The following MAPK8IP2 variants were observed in gnomAD, a reference collection of about 807,000 sequenced individuals.
MAPK8IP2 encodes the protein mitogen-activated protein kinase 8 interacting protein 2.
A neutral mutation model predicts 75.6 loss-of-function variants in MAPK8IP2; 15 were observed. That is an observed-to-expected ratio of 0.20 (90% CI 0.13 to 0.31). The LOEUF (loss-of-function observed/expected upper bound fraction) is 0.31, where lower values mean the gene tolerates loss of function less well. Ranked by LOEUF, MAPK8IP2 falls within the 10% of genes least tolerant of loss-of-function variation. The pLI, the probability that MAPK8IP2 is intolerant of heterozygous loss-of-function variation, is 1.00. For missense variants in MAPK8IP2, 1,089 were observed against 1,211.2 expected (o/e 0.90, Z 1.50); for synonymous variants, 632 against 554.5 (o/e 1.14, Z -1.96).
At position 50,603,957 on chromosome 22, in the gene MAPK8IP2, A is replaced by T; in HGVS notation, c.658A>T (p.Thr220Ser). 1 of 1,548,314 alleles carries T rather than the reference A, an allele frequency of 6.5e-7. No homozygotes were observed. The highest frequency in any genetic ancestry group is 1.2e-5 in the South Asian group (1 of 84,766). The change falls in exon 5 of 12, where the codon ACT becomes TCT. Residue 220 changes from threonine to serine, a missense_variant. Thr to Ser is a moderately conservative substitution (Grantham distance 58). Coordinates refer to ENST00000329492, the MANE Select transcript of MAPK8IP2 (RefSeq NM_012324.6). ...TGCGGAACCCCCTGCGCCAGGGGGG[A>T]CTTCGCCCTCCTCAGATCCCGGCAT... ...RPAEPPAPGG[T>S]SPSSDPGIEA...
intron 8 of MAPK8IP2, 116 bp downstream of exon 8, chr22:50,606,050 A>T: frequency 2.3e-6 from 2 of 868,954 alleles, no homozygotes; most frequent in Non-Finnish European, 3.5e-6. Flanking sequence ...TCCTCCAGGG[A>T]GGGTCTGGGG....
chr22:50,609,593 G>A, intron 10 of MAPK8IP2: 1 of 365,736 alleles, frequency 2.7e-6, no homozygotes, highest in Non-Finnish European at 5.4e-6. Context: ...GGGTCGGCCA[G>A]TTTCAGGGGT....
rs2071040593 is a variant in MAPK8IP2, at chr22:50,605,810, T to C, written c.2015-15T>C. On this transcript the variant is annotated splice_polypyrimidine_tract_variant and intron_variant, in intron 7 of 11. Coordinates refer to ENST00000329492, the MANE Select transcript of MAPK8IP2 (RefSeq NM_012324.6). ...GCCCCTGCCTGACCTGGGCCCTCTG[T>C]GCCCCGCTCCCCAGGGAGTAAGCGG... 6.3e-7 allele frequency: 1 copy of C among 1,590,578 alleles called. No individual in the cohort carries two copies. The highest frequency in any genetic ancestry group is 8.6e-7 in the Non-Finnish European group (1 of 1,169,404).
chr22:50,603,949 C>T lies in MAPK8IP2; in HGVS notation c.650C>T (p.Pro217Leu). The change falls in exon 5 of 12, where the codon CCA becomes CTA. Residue 217 changes from proline to leucine, a missense_variant. By Grantham distance (98) the Pro-to-Leu change is moderately conservative (BLOSUM62 -3). Around this residue, in one of 2 missense-constraint regions of MAPK8IP2, gnomAD observed 960 missense variants for 1,009.6 expected, o/e 0.95. Transcript: ENST00000329492. ...EGNRPAEPPA[P>L]GGTSPSSDPG... ...AACCGGCCTGCGGAACCCCCTGCGCCAGGGGGGACTTCGCCCTCCTCAGAT... is the reference window on the plus strand; with the variant it reads ...AACCGGCCTGCGGAACCCCCTGCGCTAGGGGGGACTTCGCCCTCCTCAGAT... 1 of 1,546,438 alleles carries T rather than the reference C, an allele frequency of 6.5e-7. No individual in the cohort carries two copies. Among genetic ancestry groups the T allele is most frequent in the Non-Finnish European group, 8.7e-7 (1 of 1,151,138 alleles).
chr22:50,603,765 G>A (rs558024530), intron 4 of MAPK8IP2, 46 bp downstream of exon 4: 1 of 1,544,938 alleles, frequency 6.5e-7, no homozygotes, highest in Admixed American at 2.0e-5. Flanking sequence ...GGGGGAGGAG[G>A]GCAGGGAGGA....
rs773552601 is a variant in MAPK8IP2, at chr22:50,603,260, C to A, written c.209C>A (p.Pro70His). The change falls in exon 3 of 12, where the codon CCC (proline) becomes CAC (histidine). Residue 70 changes from proline (P) to histidine (H), a missense_variant. This residue lies in a region of MAPK8IP2 where 960 missense variants were observed against 1,009.6 expected (regional missense o/e 0.95). Transcript: ENST00000329492. ...CTGGGGCGCTCGGAGCAGCCGCACCCCATCTGCTCCTTCCAGGATGACTTC... is the reference window on the plus strand; with the variant it reads ...CTGGGGCGCTCGGAGCAGCCGCACCACATCTGCTCCTTCCAGGATGACTTC... ...LSLGRSEQPH[P>H]ICSFQDDFQE... is the part of the protein sequence containing the mutation. 9 of 1,602,444 alleles carry A rather than the reference C, an allele frequency of 5.6e-6. No individual in the cohort carries two copies. In the African/African-American group the frequency reaches 1.1e-4, roughly 19 times the overall value.
chr22:50,607,126 C>T lies in MAPK8IP2; in HGVS notation c.2303+135C>T. ...GAGCTCCACCTGCACCCACTTAGCT[C>T]TGTGAGCTGAGCCTGCAGTGGCGCC... On this transcript the variant is annotated intron_variant, in intron 10 of 11. Coordinates refer to ENST00000329492, the MANE Select transcript of MAPK8IP2 (RefSeq NM_012324.6). The surrounding 1 kb of genome is among the most constrained non-coding windows in gnomAD (Gnocchi z 5.6). 1 of 708,378 alleles carries T rather than the reference C, an allele frequency of 1.4e-6. No homozygotes were observed. The allele number at this position is 708,378 out of a possible 1,614,324, so 43.9% of individuals were successfully genotyped here.
Position 50,600,811 on chromosome 22 carries a change from C to T in MAPK8IP2, c.-8C>T. On this transcript the variant is annotated 5_prime_UTR_variant, in exon 1 of 12. Transcript: ENST00000329492. ...CCCCGCCGCAGTCGCGGGCCTCTCC[C>T]GGAGAAGATGGCGGATCGCGCGGAG... 7.8e-7 allele frequency: 1 copy of T among 1,277,498 alleles called. No individual in the cohort carries two copies. The highest frequency in any genetic ancestry group is 1.6e-5 in the African/African-American group (1 of 62,322). The allele number at this position is 1,277,498 out of a possible 1,614,324, so 79.1% of individuals were successfully genotyped here. A position where few individuals can be genotyped will look rare whatever the true frequency, so the allele number is the denominator to read the frequency against.
chr22:50,601,969 G>A, intron 2 of MAPK8IP2, 75 bp downstream of exon 2: 1 of 1,253,720 alleles, frequency 8.0e-7, no homozygotes, highest in Non-Finnish European at 1.2e-6. Context: ...TTCACTTGGG[G>A]TTTTAGGGTG....
At chr22:50,605,135 TC>T (rs1342212959) in intron 5 of MAPK8IP2, 71 bp downstream of exon 5, 3 of 1,547,924 alleles carry the variant, frequency 1.9e-6, no homozygotes, top group East Asian at 2.3e-5. Context: ...AGTCCCAGGG[TC>T]CCCCACAGTG....
At position 50,612,971 on chromosome 22, in the gene MAPK8IP2, G is replaced by A. The variant is rs866568156; in HGVS notation, c.*2192G>A. 1.4e-5 allele frequency: 1 copy of A among 70,956 alleles called. No homozygotes were observed. The highest frequency in any genetic ancestry group is 5.8e-5 in the African/African-American group (1 of 17,374). The allele number at this position is 70,956 out of a possible 1,614,324, so 4.4% of individuals were successfully genotyped here. A position where few individuals can be genotyped will look rare whatever the true frequency, so the allele number is the denominator to read the frequency against. ...CTTAGGACGGCTGTTGGACGTGCTC[G>A]TGAGTCCTTCGCCTGTCTGCCTTCC... On this transcript the variant is annotated 3_prime_UTR_variant, in exon 12 of 12. Coordinates refer to ENST00000329492, the MANE Select transcript of MAPK8IP2 (RefSeq NM_012324.6).
Position 50,609,965 on chromosome 22 carries a change from A to T in MAPK8IP2, c.2304-247A>T, listed in dbSNP as rs144123898. 359 of 683,500 alleles carry T rather than the reference A, an allele frequency of 5.3e-4. 3 individuals are homozygous for T. In the African/African-American group the frequency reaches 5.4e-3, roughly 10 times the overall value. The allele number at this position is 683,500 out of a possible 1,614,324, so 42.3% of individuals were successfully genotyped here. On this transcript the variant is annotated intron_variant, in intron 10 of 11. Transcript: ENST00000329492. ...GTAGCAGCACCGGCTCAGAGAAGGG[A>T]GAGTGGACGCCCCTGGTCATCATGG...
Position 50,603,606 on chromosome 22 carries a change from G to A in MAPK8IP2, c.448-20G>A, listed in dbSNP as rs752176483. 1 of 1,587,898 alleles carries A rather than the reference G, an allele frequency of 6.3e-7. No homozygotes were observed. Among genetic ancestry groups the A allele is most frequent in the Non-Finnish European group, 8.6e-7 (1 of 1,167,498 alleles). ...GGAGCTGGCCCTCCTCAGGACCGCCGTCATGTATCTCCACCCCAGGACTCC... is the reference window on the plus strand; with the variant it reads ...GGAGCTGGCCCTCCTCAGGACCGCCATCATGTATCTCCACCCCAGGACTCC... On this transcript the variant is annotated intron_variant, in intron 3 of 11. Coordinates refer to ENST00000329492, the MANE Select transcript of MAPK8IP2 (RefSeq NM_012324.6).
chr22:50,600,804 C>A lies in MAPK8IP2; in HGVS notation c.-15C>A. 3 of 1,258,052 alleles carry A rather than the reference C, an allele frequency of 2.4e-6. No homozygotes were observed. Among genetic ancestry groups the A allele is most frequent in the Non-Finnish European group, 3.1e-6 (3 of 973,802 alleles). 77.9% of individuals were successfully genotyped at this position (1,258,052 alleles called of 1,614,324 possible). A position where few individuals can be genotyped will look rare whatever the true frequency, so the allele number is the denominator to read the frequency against. ...CCGCACCCCCCGCCGCAGTCGCGGG[C>A]CTCTCCCGGAGAAGATGGCGGATCG... is the stretch of plus-strand genomic sequence containing the variant. On this transcript the variant is annotated 5_prime_UTR_variant, in exon 1 of 12. Coordinates refer to ENST00000329492, the MANE Select transcript of MAPK8IP2 (RefSeq NM_012324.6).
At chr22:50,606,179 G>A (rs1042727399) in intron 8 of MAPK8IP2, among the ~76,000 whole-genome samples, 1 of 152,208 alleles carries the variant, frequency 6.6e-6, no homozygotes, top group Non-Finnish European at 1.5e-5. Context: ...CTGGGCCACA[G>A]ATCTTCCAGG....
rs1417718006 is a variant in MAPK8IP2 at position 50,604,118 on chromosome 22, G to C, written c.819G>C (p.Glu273Asp). Reference sequence around the variant, plus strand: ...GGCGCATGATCTCGTCCATCTCGGAGACGGAGCTGGAGCTGAGCAGCGATG... The same window carrying C: ...GGCGCATGATCTCGTCCATCTCGGACACGGAGCTGGAGCTGAGCAGCGATG... ...RLGRMISSIS[E>D]TELELSSDGG... The change falls in exon 5 of 12, where the codon GAG becomes GAC. Residue 273 changes from glutamate (E) to aspartate (D), a missense_variant. Coordinates refer to ENST00000329492, the MANE Select transcript of MAPK8IP2 (RefSeq NM_012324.6). 1 of 1,553,910 alleles carries C rather than the reference G, an allele frequency of 6.4e-7. No individual in the cohort carries two copies. Among genetic ancestry groups the C allele is most frequent in the African/African-American group, 1.4e-5 (1 of 73,238 alleles).
chr22:50,603,405 A>T lies in MAPK8IP2; in HGVS notation c.354A>T (p.Ala118=). The T allele has an allele frequency of 6.4e-7, 1 of 1,558,768 alleles. No individual in the cohort carries two copies. The highest frequency in any genetic ancestry group is 8.7e-7 in the Non-Finnish European group (1 of 1,151,942). ...GQEGGDPGSE[A]PAPGPLIPSP... is the part of the protein sequence containing the mutation. ...AGGGAGGAGACCCTGGCTCAGAGGC[A>T]CCTGCCCCCGGGCCCCTTATCCCCT... is the stretch of plus-strand genomic sequence containing the variant. Residue 118 remains alanine (A), a synonymous_variant, in exon 3 of 12, where the codon GCA becomes GCT. Transcript: ENST00000329492.
intron 8 of MAPK8IP2, among the ~76,000 whole-genome samples, chr22:50,606,194 C>T (rs373019619): frequency 6.6e-6 from 1 of 152,214 alleles, no homozygotes; most frequent in African/African-American, 2.4e-5. Context: ...TCCAGGTGGC[C>T]CCGACTGCCA....
Position 50,603,424 on chromosome 22 carries a change from A to G in MAPK8IP2, c.373A>G (p.Ile125Val), listed in dbSNP as rs749566436. The G allele has an allele frequency of 6.4e-7, 1 of 1,569,340 alleles. No individual in the cohort carries two copies. Among genetic ancestry groups the G allele is most frequent in the Non-Finnish European group, 8.6e-7 (1 of 1,156,570 alleles). Residue 125 changes from isoleucine (I) to valine (V), a missense_variant, in exon 3 of 12, where the codon ATC becomes GTC. By Grantham distance (29) the Ile-to-Val change is conservative. Coordinates refer to ENST00000329492, the MANE Select transcript of MAPK8IP2 (RefSeq NM_012324.6). ...AGAGGCACCTGCCCCCGGGCCCCTTATCCCCTCCCCTTCCGTGGAGGAGCC... is the reference window on the plus strand; with the variant it reads ...AGAGGCACCTGCCCCCGGGCCCCTTGTCCCCTCCCCTTCCGTGGAGGAGCC... ...GSEAPAPGPL[I>V]PSPSVEEPHK...
Sources: gnomAD v4.1 joint callset for allele counts (sites outside exome capture counted in the v4.1 genomes callset) on GRCh38, gnomAD v4.1.1 for gene constraint, gnomAD v4.1.1 regional missense constraint, Gnocchi (gnomAD v3.1) non-coding constraint, MANE v1.5 for transcripts, NCBI Gene and HGNC (gene_info 2026-07-23, HGNC 2026-07-21) for gene names.